ZMIZ2: variants seen among roughly 807,000 people sequenced by gnomAD.
ZMIZ2 encodes the protein zinc finger MIZ-type containing 2.
ZMIZ2 carries 26 observed loss-of-function variants against 93.9 expected under a neutral mutation model. That is an observed-to-expected ratio of 0.28 (90% CI 0.20 to 0.38). ZMIZ2 has a LOEUF of 0.38. Among genes scored for constraint, ZMIZ2 ranks in the 10% least tolerant of loss-of-function variants. ZMIZ2 has a pLI of 1.00. For synonymous variants in ZMIZ2, 485 were observed against 516.4 expected (o/e 0.94, Z 0.82); for missense variants, 1,023 against 1,235.0 (o/e 0.83, Z 2.57).
In ZMIZ2 at chr7:44,748,934, A is replaced by T. The variant is rs1166378969; in HGVS notation, c.-120A>T. 2.7e-5 allele frequency: 4 copies of T among 147,336 alleles called. No homozygotes were observed. Among genetic ancestry groups the T allele is most frequent in the Admixed American group, 6.8e-5 (1 of 14,764 alleles). 9.1% of individuals were successfully genotyped at this position (147,336 alleles called of 1,614,324 possible). ...GCGGCGCGGAGGGCGGGCTGAGCGC[A>T]TGGAGCGGCGCGGGCCGGGGGCCGC... On this transcript the variant is annotated 5_prime_UTR_variant, in exon 1 of 19. The change abolishes an upstream ATG in the 5' untranslated region. Transcript: ENST00000309315.
chr7:44,765,160 C>A lies in ZMIZ2; in HGVS notation c.1997+151C>A. On this transcript the variant is annotated intron_variant, in intron 15 of 18. Transcript: ENST00000309315. This position sits in a 1 kb window ranked among gnomAD's most constrained non-coding sequence, Gnocchi z 4.1. ...TCCAGGCCAGAGACAGCGTGTGTGT[C>A]CTACCTGAGTGTTGGTGCTGGGCCC... 7.0e-7 allele frequency: 1 copy of A among 1,437,050 alleles called. No individual in the cohort carries two copies. Among genetic ancestry groups the A allele is most frequent in the Non-Finnish European group, 9.5e-7 (1 of 1,052,874 alleles). 89.0% of individuals were successfully genotyped at this position (1,437,050 alleles called of 1,614,324 possible).
Position 44,761,517 on chromosome 7 carries a change from C to A in ZMIZ2, c.1309C>A (p.Arg437Ser). The A allele has an allele frequency of 6.2e-7, 1 of 1,614,132 alleles. No homozygotes were observed. The highest frequency in any genetic ancestry group is 8.5e-7 in the Non-Finnish European group (1 of 1,180,038). Reference protein sequence around the residue: ...VRDGVVLEPFRLQHNLAVSNH... With the variant: ...VRDGVVLEPFSLQHNLAVSNH... ...CGATGGGGTGGTCCTGGAGCCCTTC[C>A]GCCTGCAGCACAACCTGGCTGTAAG... Residue 437 changes from arginine to serine, a missense_variant, in exon 10 of 19, where the codon CGC becomes AGC. Around this residue, in one of 3 missense-constraint regions of ZMIZ2, gnomAD observed 656 missense variants for 777.1 expected, o/e 0.84. Transcript: ENST00000309315. The surrounding 1 kb of genome is among the most constrained non-coding windows in gnomAD (Gnocchi z 5.8).
chr7:44,764,082 G>T (rs763314878), intron 13 of ZMIZ2, among the ~76,000 whole-genome samples: 14 of 152,172 alleles, frequency 9.2e-5, no homozygotes, highest in Admixed American at 2.0e-4. Context: ...AGGTTGCAAT[G>T]AGCTGAGATC....
intron 6 of ZMIZ2, among the ~76,000 whole-genome samples, chr7:44,758,425 C>T (rs535177027): frequency 8.6e-5 from 13 of 150,350 alleles, no homozygotes; most frequent in South Asian, 2.1e-4. Flanking sequence ...TAGCTGTGAT[C>T]GCTCCCCTGC....
chr7:44,757,977 G>T lies in ZMIZ2; in HGVS notation c.682G>T (p.Ala228Ser), dbSNP rs1316523419. 1 of 1,612,630 alleles carries T rather than the reference G, an allele frequency of 6.2e-7. No homozygotes were observed. The highest frequency in any genetic ancestry group is 8.5e-7 in the Non-Finnish European group (1 of 1,179,444). The change falls in exon 6 of 19, where the codon GCT becomes TCT. Residue 228 changes from alanine (A) to serine (S), a missense_variant. Around this residue, in one of 3 missense-constraint regions of ZMIZ2, gnomAD observed 656 missense variants for 777.1 expected, o/e 0.84. Transcript: ENST00000309315. The stretch of plus-strand genomic sequence containing the variant: ...GGGCCCCTCTGGCCTCTCCCCCTTG[G>T]CTATGAACCCCACCCGGGCAGCAGG... Reference protein sequence around the residue: ...VMGPSGLSPLAMNPTRAAGMT... With the variant: ...VMGPSGLSPLSMNPTRAAGMT...
At chr7:44,762,521 C>T (rs924103877) in intron 11 of ZMIZ2, among the ~76,000 whole-genome samples, 2 of 152,206 alleles carry the variant, frequency 1.3e-5, no homozygotes, top group African/African-American at 4.8e-5. Context: ...GATGTCAACA[C>T]AGACCCAGCA....
chr7:44,754,351 G>T lies in ZMIZ2; in HGVS notation c.-62-1837G>T, dbSNP rs542338311. 5.9e-5 allele frequency among the ~76,000 whole-genome samples: 9 copies of T among 152,306 alleles called. No homozygotes were observed. In the South Asian group the frequency reaches 1.7e-3, roughly 28 times the overall value. ...CTTCCTGGGCAGGACTTGGTCTGGG[G>T]GAGCAAGGGGAGGAGCCTATGGGCT... On this transcript the variant is annotated intron_variant, in intron 1 of 18. Coordinates refer to ENST00000309315, the MANE Select transcript of ZMIZ2 (RefSeq NM_031449.4).
intron 4 of ZMIZ2, 71 bp downstream of exon 4, chr7:44,757,220 G>A (rs1790679029): frequency 1.1e-5 from 17 of 1,517,556 alleles, no homozygotes; most frequent in South Asian, 3.7e-5. Flanking sequence ...GAACTGTGGC[G>A]CTGATCAGCT....
chr7:44,765,223 AAGCATTTG>A lies in ZMIZ2; in HGVS notation c.1998-109_1998-102del, dbSNP rs1791581552. ...GATGTGGAAGGTGCTGGGTGGAAGC[AAGCATTTG>A]AGTGGGGGAACCTGCCTGGAAACAG... On this transcript the variant is annotated intron_variant, in intron 15 of 18. Transcript: ENST00000309315. This position sits in a 1 kb window ranked among gnomAD's most constrained non-coding sequence, Gnocchi z 4.1. 4 of 1,554,528 alleles carry A rather than the reference AAGCATTTG, an allele frequency of 2.6e-6. No individual in the cohort carries two copies. In the Admixed American group the frequency reaches 7.0e-5, roughly 27 times the overall value.
In ZMIZ2 at chr7:44,761,285, C is replaced by A; in HGVS notation, c.1241-164C>A. Reference sequence around the variant, plus strand: ...GGAGAGATGCTGCCCATGGCCCCAGCCCCAGGGCACCACTCAGGCCTGCCA... The same window carrying A: ...GGAGAGATGCTGCCCATGGCCCCAGACCCAGGGCACCACTCAGGCCTGCCA... On this transcript the variant is annotated intron_variant, in intron 9 of 18. Transcript: ENST00000309315. This position sits in a 1 kb window ranked among gnomAD's most constrained non-coding sequence, Gnocchi z 5.8. 1.5e-6 allele frequency: 1 copy of A among 661,462 alleles called. No individual in the cohort carries two copies. The highest frequency in any genetic ancestry group is 1.9e-6 in the Non-Finnish European group (1 of 534,332). The allele number at this position is 661,462 out of a possible 1,614,324, so 41.0% of individuals were successfully genotyped here. A position where few individuals can be genotyped will look rare whatever the true frequency, so the allele number is the denominator to read the frequency against.
Position 44,761,493 on chromosome 7 carries a change from G to T in ZMIZ2, c.1285G>T (p.Asp429Tyr), listed in dbSNP as rs373218484. 6.2e-7 allele frequency: 1 copy of T among 1,614,018 alleles called. No homozygotes were observed. The highest frequency in any genetic ancestry group is 1.3e-5 in the African/African-American group (1 of 75,060). Residue 429 changes from aspartate (D) to tyrosine (Y), a missense_variant, in exon 10 of 19, where the codon GAT (aspartate) becomes TAT (tyrosine). Coordinates refer to ENST00000309315, the MANE Select transcript of ZMIZ2 (RefSeq NM_031449.4). The surrounding 1 kb of genome is among the most constrained non-coding windows in gnomAD (Gnocchi z 5.8). ...GTTGCGGCTGACCTTCCCTGTGCGC[G>T]ATGGGGTGGTCCTGGAGCCCTTCCG... ...DELRLTFPVR[D>Y]GVVLEPFRLQ... is the part of the protein sequence containing the mutation.
In ZMIZ2 at chr7:44,761,549, T is replaced by C. The variant is rs754416528; in HGVS notation, c.1341T>C (p.His447=). 5.6e-6 allele frequency: 9 copies of C among 1,613,972 alleles called. No homozygotes were observed. In the East Asian group the frequency reaches 6.7e-5, roughly 12 times the overall value. Residue 447 remains histidine, a synonymous_variant, in exon 10 of 19, where the codon CAT becomes CAC. Coordinates refer to ENST00000309315, the MANE Select transcript of ZMIZ2 (RefSeq NM_031449.4). This position sits in a 1 kb window ranked among gnomAD's most constrained non-coding sequence, Gnocchi z 5.8. ...RLQHNLAVSN[H]VFQLRDSVYK... ...AGCACAACCTGGCTGTAAGCAACCA[T>C]GTCTTCCAGCTGCGAGACTCAGTCT...
chr7:44,753,333 C>A, intron 1 of ZMIZ2, among the ~76,000 whole-genome samples: 1 of 152,006 alleles, frequency 6.6e-6, no homozygotes, highest in East Asian at 1.9e-4. Context: ...CAGCCTCCAC[C>A]TTCTGGGGTC....
chr7:44,767,202 C>T (rs752641363), intron 18 of ZMIZ2, among the ~76,000 whole-genome samples: 4 of 152,212 alleles, frequency 2.6e-5, no homozygotes, highest in South Asian at 2.1e-4. Flanking sequence ...GGGATCCCCA[C>T]GCAGGCTGAT....
rs749518647 is a variant in ZMIZ2, at chr7:44,757,336, T to C, written c.369-42T>C. On this transcript the variant is annotated intron_variant, in intron 4 of 18. Coordinates refer to ENST00000309315, the MANE Select transcript of ZMIZ2 (RefSeq NM_031449.4). ...GGGGTGAGCACAGTCCTGGCCCTCA[T>C]GAGCCCACGCAGAGAGCGTGGCAAT... The C allele has an allele frequency of 9.5e-6, 15 of 1,584,188 alleles. No individual in the cohort carries two copies. The African/African-American group carries it at 1.7e-4, about 18-fold the overall frequency.
intron 11 of ZMIZ2, among the ~76,000 whole-genome samples, chr7:44,762,646 T>A (rs954907443): frequency 2.0e-5 from 3 of 152,166 alleles, no homozygotes; most frequent in African/African-American, 4.8e-5. Context: ...CCAGCACAGC[T>A]GTAGAGATGG....
At chr7:44,760,711 C>T (rs1180047947) in intron 9 of ZMIZ2, 118 bp downstream of exon 9, 2 of 1,306,706 alleles carry the variant, frequency 1.5e-6, no homozygotes, top group African/African-American at 1.5e-5. Context: ...TGCCATATCC[C>T]TAAGAAAAGG....
Position 44,761,929 on chromosome 7 carries a change from C to T in ZMIZ2, c.1596+24C>T, listed in dbSNP as rs751737450. 3.1e-5 allele frequency: 42 copies of T among 1,344,952 alleles called. No homozygotes were observed. The highest frequency in any genetic ancestry group is 2.3e-4 in the Middle Eastern group (1 of 4,442). 83.3% of individuals were successfully genotyped at this position (1,344,952 alleles called of 1,614,324 possible). A position where few individuals can be genotyped will look rare whatever the true frequency, so the allele number is the denominator to read the frequency against. ...GCGTGCGTGTCCTGCGCCGAGGGGG[C>T]GGTGCTGTGGCGTGGGGCGGGGTGT... is the stretch of plus-strand genomic sequence containing the variant. On this transcript the variant is annotated intron_variant, in intron 11 of 18. Coordinates refer to ENST00000309315, the MANE Select transcript of ZMIZ2 (RefSeq NM_031449.4). This position sits in a 1 kb window ranked among gnomAD's most constrained non-coding sequence, Gnocchi z 5.8.
In ZMIZ2 at chr7:44,765,601, T is replaced by C. The variant is rs771553572; in HGVS notation, c.2242+22T>C. The C allele has an allele frequency of 6.7e-7, 1 of 1,490,240 alleles. No homozygotes were observed. Among genetic ancestry groups the C allele is most frequent in the East Asian group, 2.8e-5 (1 of 35,572 alleles). The allele number at this position is 1,490,240 out of a possible 1,614,324, so 92.3% of individuals were successfully genotyped here. ...CAGGGTAAGTACAGCAGGCTAGCCTTGAACCTCAGATGACCCTGGGCATAT... is the reference window on the plus strand; with the variant it reads ...CAGGGTAAGTACAGCAGGCTAGCCTCGAACCTCAGATGACCCTGGGCATAT... On this transcript the variant is annotated intron_variant, in intron 16 of 18. Coordinates refer to ENST00000309315, the MANE Select transcript of ZMIZ2 (RefSeq NM_031449.4). The surrounding 1 kb of genome is among the most constrained non-coding windows in gnomAD (Gnocchi z 4.1).
Sources: gnomAD v4.1 joint callset for allele counts (sites outside exome capture counted in the v4.1 genomes callset) on GRCh38, gnomAD v4.1.1 for gene constraint, gnomAD v4.1.1 regional missense constraint, Gnocchi (gnomAD v3.1) non-coding constraint, MANE v1.5 for transcripts, NCBI Gene and HGNC (gene_info 2026-07-23, HGNC 2026-07-21) for gene names.